CALCRL: variants seen among roughly 807,000 people sequenced by gnomAD.
CALCRL encodes calcitonin receptor like receptor, also known as calcitonin gene-related peptide type 1 receptor.
Under a neutral mutation model 60.4 loss-of-function variants are expected in CALCRL, and 27 were observed. The observed-to-expected ratio is 0.45, with a 90% confidence interval of 0.33 to 0.62. The LOEUF is 0.62. CALCRL is among the 20% of genes least tolerant of loss of function. The pLI is 0.03. For missense variants in CALCRL, 424 were observed against 540.7 expected (o/e 0.78, Z 2.14); for synonymous variants, 190 against 182.6 (o/e 1.04, Z -0.33).
chr2:187,377,246 G>T (rs1412041561), intron 8 of CALCRL, among the ~76,000 whole-genome samples: 1 of 152,082 alleles, frequency 6.6e-6, no homozygotes, highest in Non-Finnish European at 1.5e-5. Flanking sequence ...AATGAAGAGA[G>T]AAAGTGAATT....
At chr2:187,407,325 C>G (rs1311308798) in intron 1 of CALCRL, among the ~76,000 whole-genome samples, 2 of 151,872 alleles carry the variant, frequency 1.3e-5, no homozygotes, top group Non-Finnish European at 2.9e-5. Context: ...ACAGTAAAAC[C>G]CACATATATT....
At chr2:187,439,431 G>A (rs181705276) in intron 1 of CALCRL, among the ~76,000 whole-genome samples, 1 of 152,160 alleles carries the variant, frequency 6.6e-6, no homozygotes, top group Admixed American at 6.6e-5. Context: ...TCCAGCCTGG[G>A]CAACAGAGCA....
chr2:187,364,795 A>G (rs897180301), intron 8 of CALCRL, among the ~76,000 whole-genome samples: 7 of 152,312 alleles, frequency 4.6e-5, no homozygotes, highest in East Asian at 1.9e-4. Context: ...TAAATTGTCA[A>G]TATATTCCTT....
At chr2:187,410,569 CAGA>C (rs1324847240) in intron 1 of CALCRL, among the ~76,000 whole-genome samples, 1 of 152,140 alleles carries the variant, frequency 6.6e-6, no homozygotes, top group Non-Finnish European at 1.5e-5. Flanking sequence ...GTAGAAAGAA[CAGA>C]AGGTTTGAAA....
intron 1 of CALCRL, among the ~76,000 whole-genome samples, chr2:187,397,859 C>T (rs1688727824): frequency 6.6e-6 from 1 of 151,640 alleles, no homozygotes; most frequent in Non-Finnish European, 1.5e-5. Context: ...TAACACTGTA[C>T]TGGAACAACA....
intron 1 of CALCRL, among the ~76,000 whole-genome samples, chr2:187,390,768 C>T (rs1413486302): frequency 2.0e-5 from 3 of 152,038 alleles, no homozygotes; most frequent in Non-Finnish European, 2.9e-5. Context: ...ACTGTGTAAA[C>T]TTGTGTATTC....
intron 13 of CALCRL, 41 bp downstream of exon 13, chr2:187,352,073 T>G: frequency 1.9e-6 from 3 of 1,585,250 alleles, no homozygotes; most frequent in Non-Finnish European, 2.6e-6. Flanking sequence ...TATATTTAAT[T>G]CCAAACTTCT....
chr2:187,370,502 C>T (rs943709683), intron 8 of CALCRL, among the ~76,000 whole-genome samples: 1 of 152,002 alleles, frequency 6.6e-6, no homozygotes, highest in Non-Finnish European at 1.5e-5. Flanking sequence ...TTAGCTCAAA[C>T]AGAAAAGATT....
intron 8 of CALCRL, among the ~76,000 whole-genome samples, chr2:187,365,038 A>G (rs1445239814): frequency 3.3e-5 from 5 of 152,180 alleles, no homozygotes; most frequent in Non-Finnish European, 7.4e-5. Flanking sequence ...TCTACAGGTT[A>G]TTGATTATAT....
chr2:187,441,678 CA>C (rs985033999), intron 1 of CALCRL, among the ~76,000 whole-genome samples: 2 of 151,970 alleles, frequency 1.3e-5, no homozygotes, highest in Middle Eastern at 3.2e-3. Context: ...GATGAAAAAT[CA>C]GTCTGCTTCC....
intron 8 of CALCRL, among the ~76,000 whole-genome samples, chr2:187,371,048 C>A (rs369341304): frequency 6.6e-6 from 1 of 151,988 alleles, no homozygotes; most frequent in African/African-American, 2.4e-5. Context: ...CAAGATCATC[C>A]TGGCTAACAC....
At chr2:187,430,645 A>G (rs985650711) in intron 1 of CALCRL, among the ~76,000 whole-genome samples, 5 of 152,052 alleles carry the variant, frequency 3.3e-5, no homozygotes, top group African/African-American at 1.2e-4. Context: ...AGGATTGAAA[A>G]TGAGACTCTC....
chr2:187,394,615 G>C (rs896523920), intron 1 of CALCRL, among the ~76,000 whole-genome samples: 2 of 151,884 alleles, frequency 1.3e-5, no homozygotes, highest in African/African-American at 4.8e-5. Flanking sequence ...CCATTAGCTA[G>C]AAGTGTTTCT....
intron 14 of CALCRL, among the ~76,000 whole-genome samples, chr2:187,350,684 A>C (rs959916388): frequency 6.6e-6 from 1 of 151,750 alleles, no homozygotes; most frequent in Non-Finnish European, 1.5e-5. Flanking sequence ...AATATTACTT[A>C]AGCAAGCGCA....
intron 1 of CALCRL, among the ~76,000 whole-genome samples, chr2:187,407,161 T>C (rs1258781949): frequency 2.6e-5 from 4 of 152,102 alleles, no homozygotes; most frequent in Non-Finnish European, 5.9e-5. Flanking sequence ...GGGCATTGCC[T>C]TTTTAATCAT....
chr2:187,419,983 T>C (rs1039068559), intron 1 of CALCRL, among the ~76,000 whole-genome samples: 4 of 152,204 alleles, frequency 2.6e-5, no homozygotes, highest in African/African-American at 9.6e-5. Context: ...CAACCTCTGT[T>C]TGCCCTACTA....
In CALCRL at chr2:187,345,380, T is replaced by A. The variant is rs1026744182; in HGVS notation, c.*804A>T. ...ACAGTAGAAATGGAAGGGACAAAAT[T>A]TATATTTACAGCTAGGAATTCCCTC... On this transcript the variant is annotated 3_prime_UTR_variant, in exon 15 of 15. Transcript: ENST00000392370. The A allele has an allele frequency of 9.2e-5, 14 of 152,200 alleles. No individual in the cohort carries two copies. Among genetic ancestry groups the A allele is most frequent in the African/African-American group, 2.9e-4 (12 of 41,382 alleles). The allele number at this position is 152,200 out of a possible 1,614,324, so 9.4% of individuals were successfully genotyped here.
intron 1 of CALCRL, among the ~76,000 whole-genome samples, chr2:187,446,590 A>T (rs550622028): frequency 2.0e-5 from 3 of 151,704 alleles, no homozygotes; most frequent in Non-Finnish European, 4.4e-5. Context: ...TGTTGTTTTA[A>T]TTTTTGTTAC....
chr2:187,445,481 T>G (rs992181508), intron 1 of CALCRL, among the ~76,000 whole-genome samples: 1 of 151,712 alleles, frequency 6.6e-6, no homozygotes, highest in African/African-American at 2.4e-5. Context: ...TTATATTTTT[T>G]CTATAAAGAT....
Sources: allele counts gnomAD v4.1 joint callset (sites outside exome capture counted in the v4.1 genomes callset), GRCh38; gene constraint gnomAD v4.1.1; transcripts MANE v1.5; gene names NCBI Gene and HGNC (gene_info 2026-07-23, HGNC 2026-07-21).